The following NOVA2 variants were observed in gnomAD, a reference collection of about 807,000 sequenced individuals.
NOVA2 encodes NOVA alternative splicing regulator 2, also known as RNA-binding protein Nova-2.
In NOVA2, 9 loss-of-function variants were observed where a neutral mutation model predicts 22.5. The observed-to-expected ratio is 0.40, with a 90% CI of 0.24 to 0.70. NOVA2 has a LOEUF of 0.70. Ranked by LOEUF, NOVA2 falls within the 30% of genes least tolerant of loss-of-function variation. NOVA2 has a pLI of 0.38. For missense variants in NOVA2, 383 were observed against 682.8 expected, an observed-to-expected ratio of 0.56 and a Z score of 4.89; for synonymous variants, 318 against 335.2, an observed-to-expected ratio of 0.95 and a Z score of 0.56.
intron 1 of NOVA2, among the ~76,000 whole-genome samples, chr19:45,965,580 A>G (rs1968157486): frequency 6.6e-6 from 1 of 152,188 alleles, no homozygotes; most frequent in Non-Finnish European, 1.5e-5. Context: ...AACTACAAAA[A>G]TTAGTCAGGC....
Position 45,973,271 on chromosome 19 carries a change from C to A in NOVA2, c.81G>T (p.Thr27=), listed in dbSNP as rs1968258141. 5.5e-6 allele frequency: 8 copies of A among 1,462,562 alleles called. No homozygotes were observed. The highest frequency in any genetic ancestry group is 2.9e-5 in the African/African-American group (2 of 68,280). 90.6% of individuals were successfully genotyped at this position (1,462,562 alleles called of 1,614,324 possible). A position where few individuals can be genotyped will look rare whatever the true frequency, so the allele number is the denominator to read the frequency against. The change falls in exon 1 of 4, where the codon ACG becomes ACT. Residue 27 remains threonine (T), a synonymous_variant. Coordinates refer to ENST00000263257, the MANE Select transcript of NOVA2 (RefSeq NM_002516.4). ...PEVVCTKRSN[T]GEEGEYFLKV... ...CGAGCCGCAGCCCTTTCTCACCTCC[C>A]GTGTTGCTGCGCTTGGTGCAGACCA... is the stretch of plus-strand genomic sequence containing the variant.
intron 2 of NOVA2, among the ~76,000 whole-genome samples, chr19:45,958,270 A>G (rs1441737794): frequency 6.6e-6 from 1 of 152,036 alleles, no homozygotes; most frequent in African/African-American, 2.4e-5. Context: ...TCCACCACAA[A>G]GGAGGGGAGG....
rs1245723730 is a variant in NOVA2, at chr19:45,940,532, G to C, written c.810C>G (p.Ala270=). ...GVGAFPAALP[A]FSGTDLLAIS... is the part of the protein sequence containing the mutation. The stretch of plus-strand genomic sequence containing the variant: ...TGGCCAGCAGGTCGGTGCCTGAGAA[G>C]GCGGGCAGCGCGGCGGGAAAGGCCC... The change falls in exon 4 of 4, where the codon GCC becomes GCG. Residue 270 remains alanine, a synonymous_variant. Transcript: ENST00000263257. 3 of 1,504,832 alleles carry C rather than the reference G, an allele frequency of 2.0e-6. No individual in the cohort carries two copies. The East Asian group carries it at 8.9e-5, about 45-fold the overall frequency. 93.2% of individuals were successfully genotyped at this position (1,504,832 alleles called of 1,614,324 possible).
At chr19:45,970,407 G>A (rs1045692691) in intron 1 of NOVA2, among the ~76,000 whole-genome samples, 13 of 149,086 alleles carry the variant, frequency 8.7e-5, no homozygotes, top group African/African-American at 2.0e-4. Flanking sequence ...ATGGCGTTTC[G>A]CTCTGTTGCC....
intron 2 of NOVA2, among the ~76,000 whole-genome samples, chr19:45,959,898 T>C (rs527825055): frequency 6.6e-6 from 1 of 151,606 alleles, no homozygotes. Flanking sequence ...CTCTGGTGTT[T>C]GACCTAAAAA....
At chr19:45,956,468 C>T (rs1250682263) in intron 2 of NOVA2, among the ~76,000 whole-genome samples, 1 of 81,482 alleles carries the variant, frequency 1.2e-5, no homozygotes, top group Non-Finnish European at 2.6e-5. Flanking sequence ...CCATTCTAAG[C>T]ACTTTTTTTT....
rs869284950 is a variant in NOVA2 at position 45,949,735 on chromosome 19, GGTT to G, written c.396+4042_396+4044del. 3.0e-3 allele frequency among the ~76,000 whole-genome samples: 393 copies of G among 132,232 alleles called. 1 individual carries two copies. Among genetic ancestry groups the G allele is most frequent in the African/African-American group, 0.011 (380 of 34,014 alleles). 86.7% of individuals were successfully genotyped at this position (132,232 alleles called of 152,430 possible). A position where few individuals can be genotyped will look rare whatever the true frequency, so the allele number is the denominator to read the frequency against. On this transcript the variant is annotated intron_variant, in intron 3 of 3. Coordinates refer to ENST00000263257, the MANE Select transcript of NOVA2 (RefSeq NM_002516.4). ...ACAACACAGCAAGGTCCAAATCGTA[GGTT>G]GTTTTTTTTTTTTTTTTTTTGAGAC...
In NOVA2 at chr19:45,973,340, C is replaced by A; in HGVS notation, c.12G>T (p.Glu4Asp). The stretch of plus-strand genomic sequence containing the variant: ...GGGGCCTCTTGCGGGAATCCGGGGC[C>A]TCGGGCTCCATGGGGGGGGCCTGGG... MEP[E>D]APDSRKRPLE... The change falls in exon 1 of 4, where the codon GAG (glutamate) becomes GAT (aspartate). Residue 4 changes from glutamate to aspartate, a missense_variant. By Grantham distance (45) the Glu-to-Asp change is conservative. This residue lies in a region of NOVA2 where 349 missense variants were observed against 578.1 expected (regional missense o/e 0.60). Transcript: ENST00000263257. 1 of 1,252,552 alleles carries A rather than the reference C, an allele frequency of 8.0e-7. No homozygotes were observed. Among genetic ancestry groups the A allele is most frequent in the Non-Finnish European group, 1.0e-6 (1 of 990,074 alleles). 77.6% of individuals were successfully genotyped at this position (1,252,552 alleles called of 1,614,324 possible). A position where few individuals can be genotyped will look rare whatever the true frequency, so the allele number is the denominator to read the frequency against.
In NOVA2 at chr19:45,939,701, G is replaced by C. The variant is rs1600594698; in HGVS notation, c.*162C>G. The stretch of plus-strand genomic sequence containing the variant: ...CCCTTCCCAACCGTCACTCAATCCT[G>C]CCTATGACTACCAGAAGGGGAGGGT... On this transcript the variant is annotated 3_prime_UTR_variant, in exon 4 of 4. Coordinates refer to ENST00000263257, the MANE Select transcript of NOVA2 (RefSeq NM_002516.4). The C allele has an allele frequency of 4.0e-5, 35 of 867,176 alleles. No individual in the cohort carries two copies. The South Asian group carries it at 4.4e-4, about 11-fold the overall frequency. The allele number at this position is 867,176 out of a possible 1,614,324, so 53.7% of individuals were successfully genotyped here. A position where few individuals can be genotyped will look rare whatever the true frequency, so the allele number is the denominator to read the frequency against.
In NOVA2 at chr19:45,940,661, G is replaced by A. The variant is rs1343762928; in HGVS notation, c.681C>T (p.Thr227=). 6.3e-7 allele frequency: 1 copy of A among 1,579,668 alleles called. No individual in the cohort carries two copies. The highest frequency in any genetic ancestry group is 1.4e-5 in the African/African-American group (1 of 73,304). ...CCGCGGGGCTGGCGTACGGAGAGCCGGTGGGGTTGGAGTTGGCCACGGGGC... is the reference window on the plus strand; with the variant it reads ...CCGCGGGGCTGGCGTACGGAGAGCCAGTGGGGTTGGAGTTGGCCACGGGGC... ...VAGPVANSNP[T]GSPYASPADV... is the part of the protein sequence containing the mutation. The change falls in exon 4 of 4, where the codon ACC becomes ACT. Residue 227 remains threonine, a synonymous_variant. Coordinates refer to ENST00000263257, the MANE Select transcript of NOVA2 (RefSeq NM_002516.4).
rs1555806790 is a variant in NOVA2, at chr19:45,964,561, A to ATCTCTCTCTCTCTCTCTCTCTG, written c.86-3409_86-3408insCAGAGAGAGAGAGAGAGAGAGA. 1.5e-3 allele frequency among the ~76,000 whole-genome samples: 203 copies of ATCTCTCTCTCTCTCTCTCTCTG among 137,106 alleles called. 2 individuals carry two copies. Among genetic ancestry groups the ATCTCTCTCTCTCTCTCTCTCTG allele is most frequent in the African/African-American group, 5.4e-3 (197 of 36,158 alleles). The allele number at this position is 137,106 out of a possible 152,430, so 89.9% of individuals were successfully genotyped here. ...AGAGAAACTGCTCTAACACTCTCTG[A>ATCTCTCTCTCTCTCTCTCTCTG]TCTCTCTCTCTCTCTCTCTCTCTTT... On this transcript the variant is annotated intron_variant, in intron 1 of 3. Coordinates refer to ENST00000263257, the MANE Select transcript of NOVA2 (RefSeq NM_002516.4).
intron 3 of NOVA2, among the ~76,000 whole-genome samples, chr19:45,950,700 G>A (rs1284303239): frequency 2.0e-5 from 3 of 152,158 alleles, no homozygotes; most frequent in Non-Finnish European, 4.4e-5. Flanking sequence ...TGAAGTTTTA[G>A]AGCCAGAAGG....
At position 45,936,305 on chromosome 19, in the gene NOVA2, G is replaced by A. The variant is rs1967651576; in HGVS notation, c.*3558C>T. ...TGGCAAGTGGGATTCTCCTTGGCTG[G>A]TGGAATTTGGGGGGACCCAAAAGGA... On this transcript the variant is annotated 3_prime_UTR_variant, in exon 4 of 4. Coordinates refer to ENST00000263257, the MANE Select transcript of NOVA2 (RefSeq NM_002516.4). The A allele has an allele frequency of 1.3e-5, 2 of 152,134 alleles. No homozygotes were observed. The highest frequency in any genetic ancestry group is 6.5e-5 in the Admixed American group (1 of 15,276). 9.4% of individuals were successfully genotyped at this position (152,134 alleles called of 1,614,324 possible). A position where few individuals can be genotyped will look rare whatever the true frequency, so the allele number is the denominator to read the frequency against.
chr19:45,953,296 C>T (rs144882274), intron 3 of NOVA2, among the ~76,000 whole-genome samples: 101 of 152,304 alleles, frequency 6.6e-4, no homozygotes, highest in Middle Eastern at 6.8e-3. Flanking sequence ...AGGAGAGGGA[C>T]CCACCTCTTC....
chr19:45,964,179 C>CTTTTTTT (rs10555207), intron 1 of NOVA2, among the ~76,000 whole-genome samples: 5 of 106,952 alleles, frequency 4.7e-5, no homozygotes, highest in East Asian at 2.6e-4. Context: ...TTTTCTTTTT[C>CTTTTTTT]TTTTTTTTTT....
intron 3 of NOVA2, among the ~76,000 whole-genome samples, chr19:45,941,309 AATATAT>A (rs4039577): frequency 7.7e-6 from 1 of 129,804 alleles, no homozygotes; most frequent in Non-Finnish European, 1.7e-5. Flanking sequence ...AAAATAAAAT[AATATAT>A]ATATATATAT....
chr19:45,966,047 G>C (rs1413033625), intron 1 of NOVA2, among the ~76,000 whole-genome samples: 2 of 149,708 alleles, frequency 1.3e-5, no homozygotes, highest in Non-Finnish European at 2.9e-5. Flanking sequence ...GTTGGGTTGA[G>C]AGGTAGGAGG....
chr19:45,946,921 C>T (rs1312804220), intron 3 of NOVA2, among the ~76,000 whole-genome samples: 9 of 151,344 alleles, frequency 5.9e-5, no homozygotes, highest in Admixed American at 5.9e-4. Flanking sequence ...TGCGCACGCG[C>T]ATGTACACAC....
chr19:45,958,395 ATGTGTGTGAGTGGGG>A (rs1405218743), intron 2 of NOVA2, among the ~76,000 whole-genome samples: 3 of 148,514 alleles, frequency 2.0e-5, no homozygotes, highest in African/African-American at 5.0e-5. Flanking sequence ...GTGTGGGAGC[ATGTGTGTGAGTGGGG>A]TGTGTGTGAG....
Sources: allele counts gnomAD v4.1 joint callset (sites outside exome capture counted in the v4.1 genomes callset), GRCh38; gene constraint gnomAD v4.1.1; regional missense constraint gnomAD v4.1.1; transcripts MANE v1.5; gene names NCBI Gene and HGNC (gene_info 2026-07-23, HGNC 2026-07-21).